SHCBP1: variants seen among roughly 807,000 people sequenced by gnomAD.
SHCBP1 encodes SHC SH2 domain-binding protein 1.
SHCBP1 carries 60 observed loss-of-function variants against 75.1 expected under a neutral mutation model. That is an observed-to-expected ratio of 0.80 (90% confidence interval 0.65 to 0.99). SHCBP1 has a LOEUF of 0.99. Among genes scored for constraint, SHCBP1 ranks in the 50% least tolerant of loss-of-function variants. The pLI is 0.00. For synonymous variants in SHCBP1, 290 were observed against 293.2 expected, an observed-to-expected ratio of 0.99 and a Z score of 0.11; for missense variants, 709 against 809.4, an observed-to-expected ratio of 0.88 and a Z score of 1.50.
intron 3 of SHCBP1, among the ~76,000 whole-genome samples, chr16:46,617,044 G>A (rs1265725209): frequency 6.6e-6 from 1 of 152,176 alleles, no homozygotes; most frequent in African/African-American, 2.4e-5. Flanking sequence ...AACAAACACT[G>A]AGAAAAATTC....
At chr16:46,605,642 C>G (rs1965315123) in intron 5 of SHCBP1, among the ~76,000 whole-genome samples, 1 of 152,072 alleles carries the variant, frequency 6.6e-6, no homozygotes, top group South Asian at 2.1e-4. Flanking sequence ...CCATCCAGAC[C>G]AATTAAATGG....
At chr16:46,612,731 T>C (rs1405609342) in intron 4 of SHCBP1, among the ~76,000 whole-genome samples, 1 of 152,166 alleles carries the variant, frequency 6.6e-6, no homozygotes, top group Non-Finnish European at 1.5e-5. Flanking sequence ...GGTAAGCTTA[T>C]AGTTCTATTC....
intron 9 of SHCBP1, 143 bp downstream of exon 9, chr16:46,599,688 A>AAAAAAAAAAAAAAAAT (rs55869621): frequency 1.3e-5 from 1 of 74,240 alleles, no homozygotes; most frequent in Non-Finnish European, 2.4e-5. Flanking sequence ...AAAAAAAAAA[A>AAAAAAAAAAAAAAAAT]AAAACTCAGC....
chr16:46,593,835 T>C (rs1965089391), intron 10 of SHCBP1, among the ~76,000 whole-genome samples: 2 of 151,916 alleles, frequency 1.3e-5, no homozygotes, highest in South Asian at 4.2e-4. Context: ...CAAATTGACA[T>C]ATGGGTTTAT....
intron 10 of SHCBP1, among the ~76,000 whole-genome samples, chr16:46,584,821 C>A (rs1449397813): frequency 6.6e-6 from 1 of 152,184 alleles, no homozygotes; most frequent in African/African-American, 2.4e-5. Context: ...ATTTCAGCAA[C>A]CATTTGGGAA....
rs1965124029 is a variant in SHCBP1, at chr16:46,595,612, T to C, written c.1404A>G (p.Gly468=). 1.9e-6 allele frequency: 3 copies of C among 1,614,074 alleles called. No individual in the cohort carries two copies. Among genetic ancestry groups the C allele is most frequent in the Non-Finnish European group, 2.5e-6 (3 of 1,180,046 alleles). Residue 468 remains glycine (G), a synonymous_variant, in exon 10 of 13, where the codon GGA becomes GGG. Coordinates refer to ENST00000303383, the MANE Select transcript of SHCBP1 (RefSeq NM_024745.5). The part of the protein sequence containing the change: ...ENCVLQCETT[G]VTVRTSAEFL... ...ACTCTGCTGATGTCCGCACTGTGAC[T>C]CCGGTCGTCTCACACTGCAGCACAC...
At chr16:46,598,868 C>CA (rs1347452907) in intron 9 of SHCBP1, among the ~76,000 whole-genome samples, 10 of 152,198 alleles carry the variant, frequency 6.6e-5, no homozygotes, top group Non-Finnish European at 1.3e-4. Context: ...TAGCTTGCAT[C>CA]AGCACTTGCT....
intron 5 of SHCBP1, among the ~76,000 whole-genome samples, chr16:46,607,622 T>C (rs1965345406): frequency 6.6e-6 from 1 of 152,134 alleles, no homozygotes; most frequent in African/African-American, 2.4e-5. Flanking sequence ...TCTACAATTA[T>C]TTTTTTGGAG....
In SHCBP1 at chr16:46,583,543, G is replaced by A; in HGVS notation, c.1666C>T (p.Gln556Ter). 6.2e-7 allele frequency: 1 copy of A among 1,600,850 alleles called. No individual in the cohort carries two copies. Among genetic ancestry groups the A allele is most frequent in the Non-Finnish European group, 8.5e-7 (1 of 1,177,102 alleles). Residue 556 changes from glutamine (Q) to a stop codon, truncating the protein, a stop_gained, in exon 12 of 13, where the codon CAA (glutamine) becomes TAA (stop). Transcript: ENST00000303383. LOFTEE classifies it high-confidence loss of function. ...LVKPTIFSDL[Q>*]ENAEDGTEEN... The stretch of plus-strand genomic sequence containing the variant: ...TCAGTTCCATCTTCAGCATTTTCTT[G>A]CAGGTCAGAGAAGATTGTAGGTTTC...
At chr16:46,610,915 G>T (rs1223059979) in intron 4 of SHCBP1, among the ~76,000 whole-genome samples, 1 of 152,056 alleles carries the variant, frequency 6.6e-6, no homozygotes, top group Non-Finnish European at 1.5e-5. Flanking sequence ...CTACAGACCT[G>T]CAGGCCTTCA....
chr16:46,606,914 G>A (rs1400596850), intron 5 of SHCBP1, among the ~76,000 whole-genome samples: 1 of 151,604 alleles, frequency 6.6e-6, no homozygotes, highest in Non-Finnish European at 1.5e-5. Flanking sequence ...TCAAACTCCT[G>A]GACTCAAGCA....
intron 1 of SHCBP1, 85 bp from the exon 2 acceptor site, chr16:46,618,457 CAA>C: frequency 7.3e-7 from 1 of 1,365,420 alleles, no homozygotes; most frequent in Non-Finnish European, 9.7e-7. Context: ...AAATCCCAAA[CAA>C]AATACAAACA....
chr16:46,600,595 A>G (rs1965217377), intron 8 of SHCBP1, among the ~76,000 whole-genome samples: 1 of 152,272 alleles, frequency 6.6e-6, no homozygotes, highest in South Asian at 2.1e-4. Flanking sequence ...ACATTTGAAT[A>G]AACCTAAACA....
At chr16:46,583,980 T>A in intron 11 of SHCBP1, 23 bp downstream of exon 11, 1 of 1,573,834 alleles carries the variant, frequency 6.4e-7, no homozygotes, top group Non-Finnish European at 8.7e-7. Context: ...CATTGAAAAG[T>A]GGGTGTTTTG....
chr16:46,618,163 CG>C, intron 2 of SHCBP1, 41 bp downstream of exon 2: 3 of 1,548,826 alleles, frequency 1.9e-6, no homozygotes, highest in Non-Finnish European at 2.6e-6. Flanking sequence ...ACAACAAGAG[CG>C]AAACTCCATC....
chr16:46,584,555 C>T (rs755720750), intron 10 of SHCBP1, among the ~76,000 whole-genome samples: 12 of 152,070 alleles, frequency 7.9e-5, no homozygotes, highest in Non-Finnish European at 1.6e-4. Context: ...TTTTCCAAAA[C>T]GTGTCAGTTT....
chr16:46,602,427 T>G (rs1441254130), intron 8 of SHCBP1, among the ~76,000 whole-genome samples: 2 of 152,174 alleles, frequency 1.3e-5, no homozygotes, highest in Non-Finnish European at 2.9e-5. Context: ...GCTTAAGCAG[T>G]TTCTGAACAG....
Position 46,604,393 on chromosome 16 carries a change from T to A in SHCBP1, c.758A>T (p.Gln253Leu). 1 of 1,614,178 alleles carries A rather than the reference T, an allele frequency of 6.2e-7. No homozygotes were observed. Among genetic ancestry groups the A allele is most frequent in the Non-Finnish European group, 8.5e-7 (1 of 1,180,000 alleles). Residue 253 changes from glutamine (Q) to leucine (L), a missense_variant, in exon 6 of 13, where the codon CAA (glutamine) becomes CTA (leucine). By Grantham distance (113) the Gln-to-Leu change is moderately radical. Transcript: ENST00000303383. The stretch of plus-strand genomic sequence containing the variant: ...AAATTTCCTGTAACTCTCCTCACAT[T>A]GAGACAACAGATTGTGGTAGTCAAC... ...LIVDYHNLLSQCEESYRKFLN... is the reference protein window; with the variant it reads ...LIVDYHNLLSLCEESYRKFLN...
At chr16:46,607,751 T>C (rs750143683) in intron 5 of SHCBP1, among the ~76,000 whole-genome samples, 2 of 152,204 alleles carry the variant, frequency 1.3e-5, no homozygotes, top group Non-Finnish European at 2.9e-5. Flanking sequence ...CCACATTTAA[T>C]AAGGTCATTA....
Sources: gnomAD v4.1 joint callset for allele counts (sites outside exome capture counted in the v4.1 genomes callset) on GRCh38, gnomAD v4.1.1 for gene constraint, MANE v1.5 for transcripts, NCBI Gene and HGNC (gene_info 2026-07-23, HGNC 2026-07-21) for gene names.